ZSCAN12: variants seen among roughly 807,000 people sequenced by gnomAD.
ZSCAN12 encodes the protein zinc finger and SCAN domain containing 12, also known as zinc finger and SCAN domain-containing protein 12.
In ZSCAN12, 18 loss-of-function variants were observed where a neutral mutation model predicts 23.4. That is an observed-to-expected ratio of 0.77 (90% CI 0.53 to 1.14). ZSCAN12 has a LOEUF of 1.14. ZSCAN12 is among the 50% of genes most tolerant of loss of function. The pLI is 0.00. For missense variants in ZSCAN12, 650 were observed against 735.0 expected (o/e 0.88, Z 1.34); for synonymous variants, 186 against 253.4 (o/e 0.73, Z 2.53).
chr6:28,397,356 A>G (rs1418743151), intron 2 of ZSCAN12, among the ~76,000 whole-genome samples: 2 of 152,246 alleles, frequency 1.3e-5, no homozygotes, highest in Non-Finnish European at 2.9e-5. Context: ...TCTTACAATT[A>G]GTAAAGCTCA....
rs1267013819 is a variant in ZSCAN12 at position 28,387,202 on chromosome 6, T to C, written c.*3252A>G. Among the ~76,000 whole-genome samples, 1 of 152,224 alleles carries C rather than the reference T, an allele frequency of 6.6e-6. No individual in the cohort carries two copies. Among genetic ancestry groups the C allele is most frequent in the African/African-American group, 2.4e-5 (1 of 41,460 alleles). On this transcript the variant is annotated 3_prime_UTR_variant, in exon 4 of 4. Coordinates refer to ENST00000684592, the MANE Select transcript of ZSCAN12 (RefSeq NM_001163391.2). ...TTCCATTGTTCTGAGTCTTTGTTTATGGTCCCTTTATAATATTAGGTATAT... is the reference window on the plus strand; with the variant it reads ...TTCCATTGTTCTGAGTCTTTGTTTACGGTCCCTTTATAATATTAGGTATAT...
At position 28,394,513 on chromosome 6, in the gene ZSCAN12, A is replaced by G. The variant is rs139244823; in HGVS notation, c.403-1467T>C. ...AGAAAACGGTGTTTTGATATCTCATATTTTGAAAAAAGAAAGCCGGGGGAA... is the reference window on the plus strand; with the variant it reads ...AGAAAACGGTGTTTTGATATCTCATGTTTTGAAAAAAGAAAGCCGGGGGAA... On this transcript the variant is annotated intron_variant, in intron 2 of 3. Coordinates refer to ENST00000684592, the MANE Select transcript of ZSCAN12 (RefSeq NM_001163391.2). Among the ~76,000 whole-genome samples the G allele has an allele frequency of 4.1e-3, 619 of 152,294 alleles. 7 individuals are homozygous for G. Among genetic ancestry groups the G allele is most frequent in the African/African-American group, 0.013 (553 of 41,568 alleles).
rs1480706536 is a variant in ZSCAN12, at chr6:28,389,764, T to G, written c.*690A>C. Among the ~76,000 whole-genome samples the G allele has an allele frequency of 1.3e-5, 2 of 152,218 alleles. No homozygotes were observed. Among genetic ancestry groups the G allele is most frequent in the Non-Finnish European group, 2.9e-5 (2 of 68,030 alleles). ...GTTGCCATCTCCATAGGCAAGAGTA[T>G]TCTCATTTTTAAAATGGAGAATGCT... On this transcript the variant is annotated 3_prime_UTR_variant, in exon 4 of 4. Coordinates refer to ENST00000684592, the MANE Select transcript of ZSCAN12 (RefSeq NM_001163391.2).
At chr6:28,399,564 T>G (rs1287580701) in intron 1 of ZSCAN12, 93 bp downstream of exon 1, 1 of 152,598 alleles carries the variant, frequency 6.6e-6, no homozygotes, top group Non-Finnish European at 1.5e-5. Context: ...CGGGGTCCAC[T>G]CTGCACCGGC....
Position 28,391,039 on chromosome 6 carries a change from G to A in ZSCAN12, c.1251C>T (p.Asn417=), listed in dbSNP as rs758685467. 57 of 1,556,984 alleles carry A rather than the reference G, an allele frequency of 3.7e-5. 1 individual carries two copies. The highest frequency in any genetic ancestry group is 2.5e-4 in the South Asian group (21 of 84,376). The change falls in exon 4 of 4, where the codon AAC becomes AAT. Residue 417 remains asparagine (N), a synonymous_variant. Coordinates refer to ENST00000684592, the MANE Select transcript of ZSCAN12 (RefSeq NM_001163391.2). This position sits in a 1 kb window ranked among gnomAD's most constrained non-coding sequence, Gnocchi z 4.1. Reference sequence around the variant, plus strand: ...TATAAACAAAGGCTTTTCCACACTCGTTGCACTCATACGGCTTGGCGCCGG... The same window carrying A: ...TATAAACAAAGGCTTTTCCACACTCATTGCACTCATACGGCTTGGCGCCGG... The part of the protein sequence containing the change: ...VHTGAKPYEC[N]ECGKAFVYNS...
chr6:28,392,523 C>T (rs1312801435), intron 3 of ZSCAN12, among the ~76,000 whole-genome samples: 2 of 151,886 alleles, frequency 1.3e-5, no homozygotes, highest in Admixed American at 1.3e-4. Context: ...TTTCTTGAAC[C>T]ATCTGAAAGT....
Position 28,391,547 on chromosome 6 carries a change from C to A in ZSCAN12, c.743G>T (p.Cys248Phe). 6.4e-7 allele frequency: 1 copy of A among 1,552,228 alleles called. No homozygotes were observed. ...ACSREDKQPT[C>F]DENGVSLTEN... ...AGTCAGGCTTACTCCATTTTCATCA[C>A]AGGTAGGTTGTTTATCTTCTCTGGA... Residue 248 changes from cysteine to phenylalanine, a missense_variant, in exon 4 of 4, where the codon TGT becomes TTT. Physicochemically the swap from Cys to Phe is radical, Grantham distance 205. Coordinates refer to ENST00000684592, the MANE Select transcript of ZSCAN12 (RefSeq NM_001163391.2). The surrounding 1 kb of genome is among the most constrained non-coding windows in gnomAD (Gnocchi z 4.1).
chr6:28,394,181 G>A (rs937974518), intron 2 of ZSCAN12, among the ~76,000 whole-genome samples: 2 of 152,108 alleles, frequency 1.3e-5, no homozygotes, highest in African/African-American at 4.8e-5. Context: ...TCTTCAGCAA[G>A]GTATTGTAAA....
chr6:28,398,459 T>G lies in ZSCAN12; in HGVS notation c.-54A>C. 2.7e-6 allele frequency: 4 copies of G among 1,473,818 alleles called. No homozygotes were observed. Among genetic ancestry groups the G allele is most frequent in the Non-Finnish European group, 3.6e-6 (4 of 1,104,454 alleles). The allele number at this position is 1,473,818 out of a possible 1,614,324, so 91.3% of individuals were successfully genotyped here. ...CAAGTAAGATCTCACCTGGAAACTGTATTCCTGGACAGTCCTGAAGAATAA... is the reference window on the plus strand; with the variant it reads ...CAAGTAAGATCTCACCTGGAAACTGGATTCCTGGACAGTCCTGAAGAATAA... On this transcript the variant is annotated 5_prime_UTR_variant, in exon 2 of 4. Transcript: ENST00000684592.
chr6:28,392,190 T>G (rs905123583), intron 3 of ZSCAN12, among the ~76,000 whole-genome samples: 4 of 151,630 alleles, frequency 2.6e-5, no homozygotes, highest in Admixed American at 6.6e-5. Context: ...TTTCTTTTTT[T>G]TTTTTTTGAG....
At chr6:28,380,978 A>C (rs1177723246), downstream of ZSCAN12, 1 of 152,288 alleles carries the variant, frequency 6.6e-6, no homozygotes, top group Non-Finnish European at 1.5e-5. Context: ...CCTAAAGTGC[A>C]TGCCTTTTCT....
intron 2 of ZSCAN12, among the ~76,000 whole-genome samples, chr6:28,394,893 T>G (rs1292327005): frequency 1.3e-5 from 2 of 151,996 alleles, no homozygotes; most frequent in African/African-American, 4.8e-5. Context: ...ACTTTTCTGC[T>G]TGGATTCTAA....
Position 28,390,934 on chromosome 6 carries a change from A to G in ZSCAN12, c.1356T>C (p.Ser452=), listed in dbSNP as rs1356406387. ...TCTGATGCTGAATAAGGCCACTCTG[A>G]CTGAAGGATTTCCCACATTCCTTAC... ...YQCKECGKSF[S]QSGLIQHQRI... is the part of the protein sequence containing the mutation. The change falls in exon 4 of 4, where the codon AGT becomes AGC. Residue 452 remains serine (S), a synonymous_variant. Coordinates refer to ENST00000684592, the MANE Select transcript of ZSCAN12 (RefSeq NM_001163391.2). 1 of 1,562,670 alleles carries G rather than the reference A, an allele frequency of 6.4e-7. No homozygotes were observed. The highest frequency in any genetic ancestry group is 8.7e-7 in the Non-Finnish European group (1 of 1,153,080).
Position 28,391,596 on chromosome 6 carries a change from T to G in ZSCAN12, c.694A>C (p.Ile232Leu). 1 of 1,552,294 alleles carries G rather than the reference T, an allele frequency of 6.4e-7. No individual in the cohort carries two copies. Among genetic ancestry groups the G allele is most frequent in the Non-Finnish European group, 8.7e-7 (1 of 1,147,084 alleles). Reference sequence around the variant, plus strand: ...GAGCAAGCAGAGGGCTCTTCTGTTATTTCTTCAGGTTCACGAGTTTCTCCA... The same window carrying G: ...GAGCAAGCAGAGGGCTCTTCTGTTAGTTCTTCAGGTTCACGAGTTTCTCCA... ...RCGETREPEE[I>L]TEEPSACSRE... The change falls in exon 4 of 4, where the codon ATA (isoleucine) becomes CTA (leucine). Residue 232 changes from isoleucine (I) to leucine (L), a missense_variant. Ile to Leu is a conservative substitution (Grantham distance 5, BLOSUM62 2). Coordinates refer to ENST00000684592, the MANE Select transcript of ZSCAN12 (RefSeq NM_001163391.2). The surrounding 1 kb of genome is among the most constrained non-coding windows in gnomAD (Gnocchi z 4.1).
At chr6:28,383,092 A>G (rs113578483), downstream of ZSCAN12, among the ~76,000 whole-genome samples, 11 of 151,976 alleles carry the variant, frequency 7.2e-5, no homozygotes, top group African/African-American at 2.7e-4. Context: ...CAGAGAGATT[A>G]AGTAATTTGC....
rs1760498284 is a variant in ZSCAN12, at chr6:28,385,526, T to C, written c.*4928A>G. Reference sequence around the variant, plus strand: ...GACACTGAATTACCACTGCAACACATGGTTTGTTCAACTGAAATAAAGAGA... The same window carrying C: ...GACACTGAATTACCACTGCAACACACGGTTTGTTCAACTGAAATAAAGAGA... On this transcript the variant is annotated 3_prime_UTR_variant, in exon 4 of 4. Coordinates refer to ENST00000684592, the MANE Select transcript of ZSCAN12 (RefSeq NM_001163391.2). Among the ~76,000 whole-genome samples, 1 of 152,232 alleles carries C rather than the reference T, an allele frequency of 6.6e-6. No individual in the cohort carries two copies. Among genetic ancestry groups the C allele is most frequent in the Admixed American group, 6.5e-5 (1 of 15,290 alleles).
Position 28,390,578 on chromosome 6 carries a change from T to C in ZSCAN12, c.1712A>G (p.His571Arg), listed in dbSNP as rs757771189. The C allele has an allele frequency of 1.0e-5, 16 of 1,595,964 alleles. No individual in the cohort carries two copies. In the South Asian group the frequency reaches 1.8e-4, roughly 18 times the overall value. Residue 571 changes from histidine (H) to arginine (R), a missense_variant, in exon 4 of 4, where the codon CAC becomes CGC. His to Arg is a conservative substitution (Grantham distance 29, BLOSUM62 0). Transcript: ENST00000684592. ...AFRQRSDLSK[H>R]QRIHNRRGTY... ...ACCACGTCTATTATGGATTCTCTGGTGTTTACTAAGATCTGACCTCTGTCT... is the reference window on the plus strand; with the variant it reads ...ACCACGTCTATTATGGATTCTCTGGCGTTTACTAAGATCTGACCTCTGTCT...
At chr6:28,398,642 G>A (rs974676532) in intron 1 of ZSCAN12, among the ~76,000 whole-genome samples, 169 bp from the exon 2 acceptor site, 16 of 151,912 alleles carry the variant, frequency 1.1e-4, no homozygotes, top group African/African-American at 3.9e-4. Flanking sequence ...TTTAGGCCGG[G>A]CACAGTGGCT....
At chr6:28,397,676 C>G (rs1044899741) in intron 2 of ZSCAN12, among the ~76,000 whole-genome samples, 4 of 152,158 alleles carry the variant, frequency 2.6e-5, no homozygotes, top group African/African-American at 9.7e-5. Flanking sequence ...TTGTATTGTG[C>G]AACAGAGTGA....
Sources: allele counts gnomAD v4.1 joint callset (sites outside exome capture counted in the v4.1 genomes callset), GRCh38; gene constraint gnomAD v4.1.1; non-coding constraint Gnocchi (gnomAD v3.1); transcripts MANE v1.5; gene names NCBI Gene and HGNC (gene_info 2026-07-23, HGNC 2026-07-21).